The following TLCD3B variants were observed in gnomAD, a reference collection of about 807,000 sequenced individuals.
TLCD3B encodes ceramide synthase.
TLCD3B carries 9 observed loss-of-function variants against 23.0 expected under a neutral mutation model. The ratio of observed to expected loss-of-function variants is 0.39; its 90% CI spans 0.24 to 0.68. TLCD3B has a LOEUF of 0.68. Among genes scored for constraint, TLCD3B ranks in the 30% least tolerant of loss-of-function variants. The pLI is 0.44. For missense variants in TLCD3B, 307 were observed against 371.8 expected, an observed-to-expected ratio of 0.83 and a Z score of 1.43; for synonymous variants, 161 against 161.0, an observed-to-expected ratio of 1.00 and a Z score of 0.00.
chr16:30,034,643 G>A (rs1207942666), upstream of TLCD3B, among the ~76,000 whole-genome samples: 1 of 152,080 alleles, frequency 6.6e-6, no homozygotes, highest in African/African-American at 2.4e-5. Flanking sequence ...AACATTATCA[G>A]TGGCTGGAGC....
At chr16:30,026,102 G>A (rs917862826) in intron 3 of TLCD3B, among the ~76,000 whole-genome samples, 2 of 152,196 alleles carry the variant, frequency 1.3e-5, no homozygotes, top group Non-Finnish European at 2.9e-5. Context: ...AGGCGTGTTG[G>A]TGGGCACCTG....
Position 30,029,278 on chromosome 16 carries a change from G to A in TLCD3B, c.209+154C>T, listed in dbSNP as rs1429698525. On this transcript the variant is annotated intron_variant, in intron 2 of 4. Coordinates refer to ENST00000380495, the MANE Select transcript of TLCD3B (RefSeq NM_031478.6). The surrounding 1 kb of genome is among the most constrained non-coding windows in gnomAD (Gnocchi z 4.6). ...GGACAGGATAAATTTATCCCTGGGT[G>A]TTGAGTTGCGGTTATTGCAGTTAAC... is the stretch of plus-strand genomic sequence containing the variant. Among the ~76,000 whole-genome samples the A allele has an allele frequency of 1.3e-5, 2 of 152,210 alleles. No individual in the cohort carries two copies. Among genetic ancestry groups the A allele is most frequent in the Non-Finnish European group, 2.9e-5 (2 of 68,040 alleles).
At chr16:30,030,259 G>T in intron 1 of TLCD3B, 144 bp downstream of exon 1, 2 of 1,130,328 alleles carry the variant, frequency 1.8e-6, no homozygotes, top group Non-Finnish European at 2.6e-6. Flanking sequence ...AGTGAGGAGA[G>T]AGGAAGCCTG....
chr16:30,030,718 G>A lies in TLCD3B; in HGVS notation c.-191C>T. ...TCCGATGAAACTGGGGAGTCGGGAG[G>A]GGGCTGGCTGGGCAGAGACGGGGGA... On this transcript the variant is annotated 5_prime_UTR_variant, in exon 1 of 5. Transcript: ENST00000380495. 8.2e-7 allele frequency: 1 copy of A among 1,219,704 alleles called. No individual in the cohort carries two copies. The highest frequency in any genetic ancestry group is 1.0e-6 in the Non-Finnish European group (1 of 974,648). 75.6% of individuals were successfully genotyped at this position (1,219,704 alleles called of 1,614,324 possible).
At chr16:30,032,435 G>A (rs1231506832), upstream of TLCD3B, among the ~76,000 whole-genome samples, 1 of 152,142 alleles carries the variant, frequency 6.6e-6, no homozygotes, top group Admixed American at 6.5e-5. Flanking sequence ...CTGTAGGAAA[G>A]CACCCAAGAA....
intron 2 of TLCD3B, among the ~76,000 whole-genome samples, chr16:30,041,918 C>T (rs768906854): frequency 4.6e-5 from 7 of 152,162 alleles, no homozygotes; most frequent in Non-Finnish European, 8.8e-5. Context: ...GATCATGACC[C>T]ATTAAGCCAA....
rs577208510 is a variant in TLCD3B, at chr16:30,029,847, C to T, written c.126-332G>A. The stretch of plus-strand genomic sequence containing the variant: ...GAGAGTGAACTGCTGGCCTGGACCT[C>T]TCCCCACGAGGGGAGCCTGGGCCGG... On this transcript the variant is annotated intron_variant, in intron 1 of 4. Coordinates refer to ENST00000380495, the MANE Select transcript of TLCD3B (RefSeq NM_031478.6). This position sits in a 1 kb window ranked among gnomAD's most constrained non-coding sequence, Gnocchi z 4.6. Among the ~76,000 whole-genome samples, 1 of 152,336 alleles carries T rather than the reference C, an allele frequency of 6.6e-6. No homozygotes were observed. Among genetic ancestry groups the T allele is most frequent in the South Asian group, 2.1e-4 (1 of 4,830 alleles).
chr16:30,049,454 C>T (rs1192233063), intron 1 of TLCD3B, among the ~76,000 whole-genome samples: 2 of 152,160 alleles, frequency 1.3e-5, no homozygotes, highest in Non-Finnish European at 2.9e-5. Context: ...CCCACCCACC[C>T]CACGATTATT....
rs780951129 is a variant in TLCD3B at position 30,025,602 on chromosome 16, C to T, written c.540+124G>A. Reference sequence around the variant, plus strand: ...TTTGCCAGGACACAAGCACCAGGTGCTCAAAATGCACGGGGTGAGGGGGGG... The same window carrying T: ...TTTGCCAGGACACAAGCACCAGGTGTTCAAAATGCACGGGGTGAGGGGGGG... On this transcript the variant is annotated intron_variant, in intron 4 of 4. Transcript: ENST00000380495. The surrounding 1 kb of genome is among the most constrained non-coding windows in gnomAD (Gnocchi z 4.1). 7.4e-6 allele frequency: 11 copies of T among 1,478,606 alleles called. No homozygotes were observed. The Admixed American group carries it at 1.8e-4, about 25-fold the overall frequency. 91.6% of individuals were successfully genotyped at this position (1,478,606 alleles called of 1,614,324 possible).
chr16:30,039,103 C>CTTTTT (rs1018184417), intron 3 of TLCD3B, among the ~76,000 whole-genome samples: 5,377 of 99,470 alleles, frequency 0.054, 1,096 homozygotes, highest in Middle Eastern at 0.096. Context: ...TCCTTCCTCT[C>CTTTTT]TTTTTTTTTT....
At chr16:30,042,671 C>T (rs1236249903) in intron 2 of TLCD3B, among the ~76,000 whole-genome samples, 1 of 152,144 alleles carries the variant, frequency 6.6e-6, no homozygotes, top group Non-Finnish European at 1.5e-5. Context: ...CAGAAACTTA[C>T]CAATATCCTA....
intron 2 of TLCD3B, among the ~76,000 whole-genome samples, chr16:30,028,015 G>A (rs528901247): frequency 3.7e-4 from 57 of 152,352 alleles, no homozygotes; most frequent in African/African-American, 1.3e-3. Flanking sequence ...ACCTGAGACT[G>A]GTGCAGTGGT....
upstream of TLCD3B, chr16:30,035,615 A>C: frequency 1.4e-6 from 1 of 726,840 alleles, no homozygotes; most frequent in Non-Finnish European, 1.9e-6. Context: ...ATTGAAAGCC[A>C]CCAGGCAAAC....
upstream of TLCD3B, chr16:30,035,201 C>T: frequency 1.1e-6 from 1 of 908,762 alleles, no homozygotes; most frequent in Non-Finnish European, 1.5e-6. Context: ...CGTGAGCCAC[C>T]ACGCCCAGCC....
intron 1 of TLCD3B, among the ~76,000 whole-genome samples, chr16:30,052,136 G>A (rs1342764790): frequency 6.6e-6 from 1 of 152,168 alleles, no homozygotes; most frequent in Non-Finnish European, 1.5e-5. Flanking sequence ...GGAGGCCAAG[G>A]CGGGCGGGAT....
intron 1 of TLCD3B, 63 bp downstream of exon 1, chr16:30,030,340 C>A: frequency 6.9e-7 from 1 of 1,455,082 alleles, no homozygotes; most frequent in Middle Eastern, 1.8e-4. Flanking sequence ...AGTGCCAGGT[C>A]CCTTCCATTC....
intron 3 of TLCD3B, among the ~76,000 whole-genome samples, chr16:30,040,182 T>A (rs2071559321): frequency 7.2e-6 from 1 of 138,488 alleles, no homozygotes; most frequent in Non-Finnish European, 1.6e-5. Flanking sequence ...GAAAAGATCC[T>A]GAGCTGGGGT....
chr16:30,044,979 G>A (rs1850338016), intron 2 of TLCD3B, among the ~76,000 whole-genome samples: 1 of 149,634 alleles, frequency 6.7e-6, no homozygotes, highest in Non-Finnish European at 1.5e-5. Context: ...TGTAATCCCA[G>A]CTAGTCAGGA....
At chr16:30,034,892 T>A (rs1389422844), upstream of TLCD3B, among the ~76,000 whole-genome samples, 1 of 150,140 alleles carries the variant, frequency 6.7e-6, no homozygotes, top group Non-Finnish European at 1.5e-5. Context: ...AAGACCCCAC[T>A]GTTGGTGTCT....
Sources: gnomAD v4.1 joint callset for allele counts (sites outside exome capture counted in the v4.1 genomes callset) on GRCh38, gnomAD v4.1.1 for gene constraint, Gnocchi (gnomAD v3.1) non-coding constraint, MANE v1.5 for transcripts, NCBI Gene and HGNC (gene_info 2026-07-23, HGNC 2026-07-21) for gene names.